The following CISD2 variants were observed in gnomAD, a reference collection of about 807,000 sequenced individuals.
CISD2 encodes CDGSH iron sulfur domain 2.
In CISD2, 1 loss-of-function variant was observed where a neutral mutation model predicts 12.9. That is an observed-to-expected ratio of 0.08 (90% CI 0.03 to 0.37). The LOEUF is 0.37. Among genes scored for constraint, CISD2 ranks in the 10% least tolerant of loss-of-function variants. The pLI, the probability that CISD2 is intolerant of heterozygous loss-of-function variation, is 0.99. For synonymous variants in CISD2, 50 were observed against 60.6 expected (o/e 0.83, Z 0.81); for missense variants, 97 against 163.1 (o/e 0.59, Z 2.21).
Position 102,889,632 on chromosome 4 carries a change from C to CT in CISD2, c.*2207dup, listed in dbSNP as rs34550207. 5 of 150,114 alleles carry CT rather than the reference C, an allele frequency of 3.3e-5. No homozygotes were observed. Among genetic ancestry groups the CT allele is most frequent in the Non-Finnish European group, 3.0e-5 (2 of 67,280 alleles). The allele number at this position is 150,114 out of a possible 1,614,324, so 9.3% of individuals were successfully genotyped here. On this transcript the variant is annotated 3_prime_UTR_variant, in exon 3 of 3. Transcript: ENST00000273986. ...GATGGTTGTACTCTCAGAATAAAGA[C>CT]TTTTTCCCTGCCACATTTTCAGTTG... is the stretch of plus-strand genomic sequence containing the variant.
intron 1 of CISD2, 143 bp downstream of exon 1, chr4:102,869,330 G>T (rs1244110541): frequency 9.0e-7 from 1 of 1,106,600 alleles, no homozygotes; most frequent in Admixed American, 2.0e-5. Context: ...GTGGGCGCGC[G>T]CCGACGCAGC....
In CISD2 at chr4:102,887,498, T is replaced by C; in HGVS notation, c.*68T>C. 2.4e-6 allele frequency: 2 copies of C among 819,570 alleles called. No homozygotes were observed. Among genetic ancestry groups the C allele is most frequent in the Non-Finnish European group, 4.1e-6 (2 of 488,440 alleles). 50.8% of individuals were successfully genotyped at this position (819,570 alleles called of 1,614,324 possible). Reference sequence around the variant, plus strand: ...TTAAAATGGTGGTCTTAATTATTACTACTGGTTGAACAATTATTTCTTCCA... The same window carrying C: ...TTAAAATGGTGGTCTTAATTATTACCACTGGTTGAACAATTATTTCTTCCA... On this transcript the variant is annotated 3_prime_UTR_variant, in exon 3 of 3. Coordinates refer to ENST00000273986, the MANE Select transcript of CISD2 (RefSeq NM_001008388.5).
chr4:102,868,996 C>T lies in CISD2; in HGVS notation c.-89C>T, dbSNP rs572196276. 1,252 of 1,429,136 alleles carry T rather than the reference C, an allele frequency of 8.8e-4. 20 individuals carry two copies. The South Asian group carries it at 0.017, about 19-fold the overall frequency. The allele number at this position is 1,429,136 out of a possible 1,614,324, so 88.5% of individuals were successfully genotyped here. A position where few individuals can be genotyped will look rare whatever the true frequency, so the allele number is the denominator to read the frequency against. On this transcript the variant is annotated 5_prime_UTR_variant, in exon 1 of 3. Transcript: ENST00000273986. ...GCCGCCCAGGCCGAGGCCGCCAGTGCCCGCCGGCCGCTTCCGCTCCCGGCG... is the reference window on the plus strand; with the variant it reads ...GCCGCCCAGGCCGAGGCCGCCAGTGTCCGCCGGCCGCTTCCGCTCCCGGCG...
intron 1 of CISD2, among the ~76,000 whole-genome samples, chr4:102,873,993 G>A (rs1394404280): frequency 6.6e-6 from 1 of 151,984 alleles, no homozygotes; most frequent in Non-Finnish European, 1.5e-5. Flanking sequence ...GGGTGTGGTA[G>A]TGCACACTTG....
In CISD2 at chr4:102,889,353, A is replaced by G. The variant is rs996305005; in HGVS notation, c.*1923A>G. ...CACAGTTGGTCACCAGACTTTGGAA[A>G]AAATCCACCTCACCAAAATTTTGGA... is the stretch of plus-strand genomic sequence containing the variant. On this transcript the variant is annotated 3_prime_UTR_variant, in exon 3 of 3. Coordinates refer to ENST00000273986, the MANE Select transcript of CISD2 (RefSeq NM_001008388.5). The G allele has an allele frequency of 6.6e-6, 1 of 152,258 alleles. No individual in the cohort carries two copies. The highest frequency in any genetic ancestry group is 1.5e-5 in the Non-Finnish European group (1 of 68,040). 9.4% of individuals were successfully genotyped at this position (152,258 alleles called of 1,614,324 possible). A position where few individuals can be genotyped will look rare whatever the true frequency, so the allele number is the denominator to read the frequency against.
intron 1 of CISD2, among the ~76,000 whole-genome samples, chr4:102,869,964 G>A (rs1190702103): frequency 1.3e-5 from 2 of 152,186 alleles, no homozygotes; most frequent in Non-Finnish European, 2.9e-5. Flanking sequence ...CCAGAATGCA[G>A]TCAACACTTG....
chr4:102,887,559 T>A lies in CISD2; in HGVS notation c.*129T>A, dbSNP rs1443389929. 1.1e-5 allele frequency: 6 copies of A among 569,954 alleles called. No individual in the cohort carries two copies. The African/African-American group carries it at 1.1e-4, about 11-fold the overall frequency. 35.3% of individuals were successfully genotyped at this position (569,954 alleles called of 1,614,324 possible). On this transcript the variant is annotated 3_prime_UTR_variant, in exon 3 of 3. Coordinates refer to ENST00000273986, the MANE Select transcript of CISD2 (RefSeq NM_001008388.5). ...TTCCTGCACTACTGTTTGTATTTGA[T>A]CCTTTGTCTATTCAGTCACTTAATT...
At chr4:102,869,263 G>C in intron 1 of CISD2, 76 bp downstream of exon 1, 2 of 1,532,952 alleles carry the variant, frequency 1.3e-6, no homozygotes, top group Non-Finnish European at 1.8e-6. Context: ...AAATCCTAGG[G>C]CCAAGGGGCG....
chr4:102,890,588 C>G lies in CISD2; in HGVS notation c.*3158C>G, dbSNP rs185744666. 5.5e-4 allele frequency: 83 copies of G among 152,238 alleles called. No individual in the cohort carries two copies. Among genetic ancestry groups the G allele is most frequent in the African/African-American group, 1.9e-3 (80 of 41,502 alleles). 9.4% of individuals were successfully genotyped at this position (152,238 alleles called of 1,614,324 possible). ...GGTGCAGTGACGACACACCTGTAAT[C>G]TCAGCACTTTGGGAGGCTGAGGTGG... On this transcript the variant is annotated 3_prime_UTR_variant, in exon 3 of 3. Transcript: ENST00000273986.
chr4:102,878,376 G>C (rs1032194432), intron 1 of CISD2, among the ~76,000 whole-genome samples: 1 of 152,082 alleles, frequency 6.6e-6, no homozygotes, highest in Non-Finnish European at 1.5e-5. Context: ...TGATCTGCCC[G>C]CCTCAGCCTC....
At chr4:102,873,078 C>T (rs1733501134) in intron 1 of CISD2, among the ~76,000 whole-genome samples, 2 of 152,114 alleles carry the variant, frequency 1.3e-5, no homozygotes, top group South Asian at 4.2e-4. Flanking sequence ...CATCAGATAT[C>T]ATGAGAACTC....
intron 1 of CISD2, among the ~76,000 whole-genome samples, chr4:102,872,893 G>A (rs1027496722): frequency 6.6e-6 from 1 of 152,090 alleles, no homozygotes; most frequent in Non-Finnish European, 1.5e-5. Context: ...AAAGAACTAC[G>A]CAAGACTGGG....
intron 1 of CISD2, chr4:102,869,616 G>T (rs1234439356): frequency 3.1e-6 from 2 of 652,834 alleles, no homozygotes; most frequent in African/African-American, 1.8e-5. Context: ...CAGCATGTGG[G>T]TGGGAGTGTG....
intron 1 of CISD2, among the ~76,000 whole-genome samples, chr4:102,880,357 A>G (rs757782172): frequency 1.3e-5 from 2 of 152,194 alleles, no homozygotes; most frequent in Admixed American, 6.5e-5. Flanking sequence ...AATCTGACAT[A>G]CCATTAAGTG....
In CISD2 at chr4:102,869,119, T is replaced by G. The variant is rs1578307234; in HGVS notation, c.35T>G (p.Val12Gly). 1.2e-6 allele frequency: 2 copies of G among 1,612,746 alleles called. No individual in the cohort carries two copies. The highest frequency in any genetic ancestry group is 1.7e-6 in the Non-Finnish European group (2 of 1,179,542). Residue 12 changes from valine (V) to glycine (G), a missense_variant, in exon 1 of 3, where the codon GTG becomes GGG. By Grantham distance (109) the Val-to-Gly change is moderately radical. Around this residue, in one of 2 missense-constraint regions of CISD2, gnomAD observed 89 missense variants for 114.4 expected, o/e 0.78. Transcript: ENST00000273986. ...VLESVARIVK[V>G]QLPAYLKRLP... is the part of the protein sequence containing the mutation. Reference sequence around the variant, plus strand: ...GAGAGCGTGGCCCGTATCGTGAAGGTGCAGCTCCCTGCATATCTGAAGCGG... The same window carrying G: ...GAGAGCGTGGCCCGTATCGTGAAGGGGCAGCTCCCTGCATATCTGAAGCGG...
In CISD2 at chr4:102,884,547, T is replaced by C. The variant is rs1423158196; in HGVS notation, c.104-669T>C. Among the ~76,000 whole-genome samples the C allele has an allele frequency of 3.3e-5, 5 of 152,336 alleles. 1 individual carries two copies. The South Asian group carries it at 6.2e-4, about 19-fold the overall frequency. On this transcript the variant is annotated intron_variant, in intron 1 of 2. Transcript: ENST00000273986. ...CCTGGTATTTTTGTGTCCACATGCA[T>C]AGGGACTGTTTCATTTGTATCACTT...
intron 1 of CISD2, among the ~76,000 whole-genome samples, chr4:102,884,730 C>G (rs1733820537): frequency 6.6e-6 from 1 of 152,110 alleles, no homozygotes; most frequent in South Asian, 2.1e-4. Context: ...TGTTCTTTAG[C>G]AACATTTACC....
chr4:102,885,464 T>G (rs1733859479), intron 2 of CISD2, 34 bp downstream of exon 2: 1 of 1,554,766 alleles, frequency 6.4e-7, no homozygotes, highest in African/African-American at 1.4e-5. Context: ...ACTAAAATTT[T>G]GCAGTGCTAG....
intron 1 of CISD2, 128 bp downstream of exon 1, chr4:102,869,315 G>A (rs1470527360): frequency 3.0e-6 from 4 of 1,320,982 alleles, no homozygotes; most frequent in Non-Finnish European, 3.2e-6. Context: ...CGCGCGCAGA[G>A]GAAGGTGGGC....
Sources: allele counts gnomAD v4.1 joint callset (sites outside exome capture counted in the v4.1 genomes callset), GRCh38; gene constraint gnomAD v4.1.1; regional missense constraint gnomAD v4.1.1; transcripts MANE v1.5; gene names NCBI Gene and HGNC (gene_info 2026-07-23, HGNC 2026-07-21).